NEK10: variants seen among roughly 807,000 people sequenced by gnomAD.
The protein encoded by NEK10 is serine/threonine-protein kinase Nek10.
In NEK10, 122 loss-of-function variants were observed where a neutral mutation model predicts 159.8. That is an observed-to-expected ratio of 0.76 (90% CI 0.66 to 0.89). The LOEUF is 0.89. Among genes scored for constraint, NEK10 ranks in the 40% least tolerant of loss-of-function variants. The probability of loss-of-function intolerance (pLI) is 0.00; values close to 1 mark genes in which losing one functional copy is unlikely to be tolerated. For synonymous variants in NEK10, 466 were observed against 457.1 expected, an observed-to-expected ratio of 1.02 and a Z score of -0.25; for missense variants, 1,342 against 1,323.1, an observed-to-expected ratio of 1.01 and a Z score of -0.22.
chr3:27,219,174 C>G (rs1413790113), intron 23 of NEK10, among the ~76,000 whole-genome samples: 1 of 152,246 alleles, frequency 6.6e-6, no homozygotes, highest in Non-Finnish European at 1.5e-5. Context: ...GGCGTAGCCA[C>G]CATCTCTTTG....
At chr3:27,197,469 C>A (rs186221308) in intron 25 of NEK10, among the ~76,000 whole-genome samples, 46 of 152,340 alleles carry the variant, frequency 3.0e-4, no homozygotes, top group Non-Finnish European at 5.4e-4. Context: ...AGCCACCGCA[C>A]CTGGCCTCAA....
chr3:27,238,694 T>C (rs1270716505), intron 23 of NEK10, among the ~76,000 whole-genome samples: 2 of 151,890 alleles, frequency 1.3e-5, no homozygotes, highest in African/African-American at 4.8e-5. Context: ...GGTCAACAAA[T>C]ACATTACTGT....
At chr3:27,174,861 G>A in intron 26 of NEK10, 28 bp from the exon 27 acceptor site, 2 of 1,533,518 alleles carry the variant, frequency 1.3e-6, no homozygotes, top group Non-Finnish European at 1.8e-6. Context: ...GTTTTTCATA[G>A]CCTCTTTCTC....
chr3:27,162,411 T>G, intron 30 of NEK10: 2 of 1,595,814 alleles, frequency 1.3e-6, no homozygotes, highest in Non-Finnish European at 1.7e-6. Context: ...ACTATAATTC[T>G]GCATTTGCCC....
chr3:27,235,876 A>T (rs1953852911), intron 23 of NEK10, among the ~76,000 whole-genome samples: 1 of 152,150 alleles, frequency 6.6e-6, no homozygotes, highest in Non-Finnish European at 1.5e-5. Context: ...ACATGGAATC[A>T]ACGTAAATGC....
At chr3:27,242,541 C>T (rs896933929) in intron 23 of NEK10, among the ~76,000 whole-genome samples, 1 of 151,616 alleles carries the variant, frequency 6.6e-6, no homozygotes, top group African/African-American at 2.4e-5. Flanking sequence ...CAATCCAGGT[C>T]TAGAGTCTGC....
intron 20 of NEK10, among the ~76,000 whole-genome samples, chr3:27,287,277 T>C (rs1042540296): frequency 6.6e-6 from 1 of 152,168 alleles, no homozygotes; most frequent in African/African-American, 2.4e-5. Flanking sequence ...GGCATTTACC[T>C]GAACTTCAGG....
At chr3:27,238,245 A>G (rs1954159615) in intron 23 of NEK10, among the ~76,000 whole-genome samples, 1 of 152,192 alleles carries the variant, frequency 6.6e-6, no homozygotes, top group African/African-American at 2.4e-5. Flanking sequence ...TTCGATCCAG[A>G]TATTAAAACT....
intron 23 of NEK10, among the ~76,000 whole-genome samples, chr3:27,235,897 T>C (rs866230976): frequency 2.0e-5 from 3 of 151,960 alleles, no homozygotes; most frequent in African/African-American, 7.3e-5. Flanking sequence ...TCAAAAATGA[T>C]AGACTGGGTA....
intron 30 of NEK10, among the ~76,000 whole-genome samples, chr3:27,157,558 C>A (rs1040116439): frequency 1.3e-5 from 2 of 152,088 alleles, no homozygotes; most frequent in Admixed American, 6.6e-5. Context: ...GGATGAGCAA[C>A]AAAAGTGGTT....
At chr3:27,125,247 TAAAG>T (rs1373541721) in intron 32 of NEK10, among the ~76,000 whole-genome samples, 3 of 152,046 alleles carry the variant, frequency 2.0e-5, no homozygotes, top group Admixed American at 6.6e-5. Context: ...ATAGAAAAAA[TAAAG>T]AAACTATACA....
intron 5 of NEK10, among the ~76,000 whole-genome samples, chr3:27,336,654 C>T (rs544952319): frequency 6.6e-6 from 1 of 152,170 alleles, no homozygotes; most frequent in South Asian, 2.1e-4. Context: ...ACATTATGAC[C>T]AAGTGGGATT....
intron 3 of NEK10, among the ~76,000 whole-genome samples, chr3:27,351,096 T>C (rs1293635769): frequency 6.6e-6 from 1 of 152,094 alleles, no homozygotes; most frequent in Non-Finnish European, 1.5e-5. Context: ...AGAAGGAGCC[T>C]TGGGAAGACA....
chr3:27,195,866 A>G (rs1011952359), intron 25 of NEK10, among the ~76,000 whole-genome samples: 1 of 152,216 alleles, frequency 6.6e-6, no homozygotes, highest in African/African-American at 2.4e-5. Flanking sequence ...ATAATACAAT[A>G]TCATTATTAA....
In NEK10 at chr3:27,291,585, G is replaced by C; in HGVS notation, c.1375C>G (p.Leu459Val). ...ATCTCAAACAAGTCTGTGGGGAAAA[G>C]TCTACAGAGAATATTACACACACTT... Reference protein sequence around the residue: ...MERNRPLFKRLFPTDLFEIFI... With the variant: ...MERNRPLFKRVFPTDLFEIFI... The change falls in exon 17 of 36, where the codon CTT becomes GTT. Residue 459 changes from leucine (L) to valine (V), a missense_variant and splice_region_variant. Leu to Val is a conservative substitution (Grantham distance 32). Transcript: ENST00000691995. 1 of 1,536,460 alleles carries C rather than the reference G, an allele frequency of 6.5e-7. No individual in the cohort carries two copies. The highest frequency in any genetic ancestry group is 9.0e-7 in the Non-Finnish European group (1 of 1,109,324).
Position 27,301,105 on chromosome 3 carries a change from G to A in NEK10, c.1168+591C>T, listed in dbSNP as rs143723730. 1.3e-3 allele frequency among the ~76,000 whole-genome samples: 195 copies of A among 152,224 alleles called. 1 individual carries two copies. Among genetic ancestry groups the A allele is most frequent in the South Asian group, 2.3e-3 (11 of 4,822 alleles). ...CAAATTGGCCAATAGCACTCAGACC[G>A]CACTGTAGCTCCAGTTGTCCCAAAG... On this transcript the variant is annotated intron_variant, in intron 13 of 35. Transcript: ENST00000691995.
intron 23 of NEK10, among the ~76,000 whole-genome samples, chr3:27,239,341 T>C (rs980120872): frequency 6.6e-6 from 1 of 152,180 alleles, no homozygotes; most frequent in African/African-American, 2.4e-5. Context: ...TCACTGAAAC[T>C]AATTTACTTT....
At chr3:27,223,947 T>C (rs1262584192) in intron 23 of NEK10, among the ~76,000 whole-genome samples, 1 of 152,212 alleles carries the variant, frequency 6.6e-6, no homozygotes, top group Non-Finnish European at 1.5e-5. Flanking sequence ...GTGGGTTGGA[T>C]TGTGTCCCCT....
At chr3:27,205,129 T>G (rs1224904795) in intron 23 of NEK10, among the ~76,000 whole-genome samples, 1 of 152,180 alleles carries the variant, frequency 6.6e-6, no homozygotes, top group Non-Finnish European at 1.5e-5. Flanking sequence ...TGTCTGTTCA[T>G]GTCCTTCGCC....
Sources: allele counts gnomAD v4.1 joint callset (sites outside exome capture counted in the v4.1 genomes callset), GRCh38; gene constraint gnomAD v4.1.1; transcripts MANE v1.5; gene names NCBI Gene and HGNC (gene_info 2026-07-23, HGNC 2026-07-21).